UNC5D: variants seen among roughly 807,000 people sequenced by gnomAD.
UNC5D encodes unc-5 netrin receptor D, also known as netrin receptor UNC5D.
Under a neutral mutation model 105.4 loss-of-function variants are expected in UNC5D, and 39 were observed. The ratio of observed to expected loss-of-function variants is 0.37; its 90% confidence interval spans 0.29 to 0.48. The LOEUF (loss-of-function observed/expected upper bound fraction) is 0.48, where lower values mean the gene tolerates loss of function less well. UNC5D is among the 20% of genes least tolerant of loss of function. The pLI is 0.98. For missense variants in UNC5D, 991 were observed against 1,202.4 expected, an observed-to-expected ratio of 0.82 and a Z score of 2.60; for synonymous variants, 452 against 450.4, an observed-to-expected ratio of 1.00 and a Z score of -0.04.
At chr8:35,536,996 T>TAAAAAA (rs1163802818) in intron 1 of UNC5D, among the ~76,000 whole-genome samples, 20 of 142,638 alleles carry the variant, frequency 1.4e-4, no homozygotes, top group African/African-American at 5.0e-4. Context: ...ACTCTATCTC[T>TAAAAAA]AAACAAAACA....
At chr8:35,785,658 G>A (rs1010474473) in intron 16 of UNC5D, among the ~76,000 whole-genome samples, 1 of 152,170 alleles carries the variant, frequency 6.6e-6, no homozygotes, top group Non-Finnish European at 1.5e-5. Flanking sequence ...ACCACGCCGA[G>A]CCTATATATT....
intron 1 of UNC5D, among the ~76,000 whole-genome samples, chr8:35,468,700 C>T (rs550804527): frequency 1.3e-5 from 2 of 152,246 alleles, no homozygotes; most frequent in African/African-American, 4.8e-5. Flanking sequence ...CCAGCTGCAG[C>T]AAATTGCTCT....
chr8:35,274,849 G>C (rs1235896529), intron 1 of UNC5D, among the ~76,000 whole-genome samples: 3 of 151,734 alleles, frequency 2.0e-5, no homozygotes, highest in East Asian at 3.9e-4. Flanking sequence ...TTTTTCTTTG[G>C]GAAGCCAAGG....
At chr8:35,363,573 T>C (rs1395735016) in intron 1 of UNC5D, among the ~76,000 whole-genome samples, 1 of 152,148 alleles carries the variant, frequency 6.6e-6, no homozygotes, top group African/African-American at 2.4e-5. Flanking sequence ...TCATTATGCA[T>C]AGCACAGATA....
At chr8:35,380,125 C>G (rs1165748101) in intron 1 of UNC5D, among the ~76,000 whole-genome samples, 4 of 110,030 alleles carry the variant, frequency 3.6e-5, no homozygotes, top group East Asian at 5.1e-4. Context: ...GAGAGAGAGA[C>G]ACCGAGAGAG....
intron 1 of UNC5D, among the ~76,000 whole-genome samples, chr8:35,396,763 G>A (rs1267936398): frequency 2.7e-5 from 4 of 150,814 alleles, no homozygotes; most frequent in Non-Finnish European, 5.9e-5. Context: ...CTCCCAAAGT[G>A]CTAGGATTAC....
chr8:35,544,843 T>C (rs1161398286), intron 1 of UNC5D, among the ~76,000 whole-genome samples: 1 of 152,124 alleles, frequency 6.6e-6, no homozygotes, highest in Non-Finnish European at 1.5e-5. Context: ...CCTCAGGTGA[T>C]CTGCCCACCT....
chr8:35,433,588 A>G (rs998298015), intron 1 of UNC5D, among the ~76,000 whole-genome samples: 1 of 152,182 alleles, frequency 6.6e-6, no homozygotes, highest in Non-Finnish European at 1.5e-5. Flanking sequence ...TAGAATATGA[A>G]CATAAATGAA....
chr8:35,373,988 A>G (rs1404983619), intron 1 of UNC5D, among the ~76,000 whole-genome samples: 2 of 152,138 alleles, frequency 1.3e-5, no homozygotes, highest in Non-Finnish European at 2.9e-5. Context: ...GGAGTGAATA[A>G]TGTAGATTTA....
chr8:35,509,131 A>G (rs1005452883), intron 1 of UNC5D, among the ~76,000 whole-genome samples: 4 of 152,098 alleles, frequency 2.6e-5, no homozygotes, highest in Non-Finnish European at 5.9e-5. Context: ...CCCTTTCCCC[A>G]GTATTTTCTA....
At chr8:35,339,733 A>G (rs947526537) in intron 1 of UNC5D, among the ~76,000 whole-genome samples, 1 of 152,164 alleles carries the variant, frequency 6.6e-6, no homozygotes, top group African/African-American at 2.4e-5. Flanking sequence ...CCAGAGACAG[A>G]GTTGTTTGGA....
At chr8:35,498,206 AAGTC>A (rs1488345953) in intron 1 of UNC5D, among the ~76,000 whole-genome samples, 1 of 151,676 alleles carries the variant, frequency 6.6e-6, no homozygotes, top group South Asian at 2.1e-4. Flanking sequence ...CATGTCTACT[AAGTC>A]AGGGGCTGAA....
At chr8:35,572,233 A>G (rs1481326889) in intron 3 of UNC5D, among the ~76,000 whole-genome samples, 5 of 131,928 alleles carry the variant, frequency 3.8e-5, no homozygotes, top group Non-Finnish European at 7.8e-5. Context: ...GGTTGTAGTG[A>G]GCTGAGATTG....
intron 9 of UNC5D, among the ~76,000 whole-genome samples, chr8:35,725,299 A>G (rs755269328): frequency 1.3e-4 from 20 of 152,332 alleles, no homozygotes; most frequent in Non-Finnish European, 2.4e-4. Context: ...TTTACTAATA[A>G]ATGAGATTAC....
chr8:35,755,782 G>A (rs61411334), intron 13 of UNC5D, among the ~76,000 whole-genome samples: 11,427 of 152,112 alleles, frequency 0.075, 1,167 homozygotes, highest in African/African-American at 0.23. Context: ...CCATTAACTC[G>A]GATTATTAGT....
intron 3 of UNC5D, among the ~76,000 whole-genome samples, chr8:35,581,922 A>G (rs1201921898): frequency 1.3e-5 from 2 of 152,070 alleles, no homozygotes; most frequent in African/African-American, 2.4e-5. Flanking sequence ...AAGTCCAGCC[A>G]CCTCTGCCTC....
At chr8:35,723,580 A>G (rs1352524405) in intron 9 of UNC5D, among the ~76,000 whole-genome samples, 2 of 151,562 alleles carry the variant, frequency 1.3e-5, no homozygotes, top group Non-Finnish European at 2.9e-5. Context: ...TTTTATTTTT[A>G]TTTTTTATAG....
intron 1 of UNC5D, among the ~76,000 whole-genome samples, chr8:35,454,290 G>A (rs1364988496): frequency 1.3e-5 from 2 of 152,148 alleles, no homozygotes; most frequent in Non-Finnish European, 2.9e-5. Context: ...CCATCCAGTA[G>A]AGGTATTTTT....
chr8:35,657,886 C>T (rs1823872980), intron 4 of UNC5D, among the ~76,000 whole-genome samples: 1 of 152,084 alleles, frequency 6.6e-6, no homozygotes, highest in Non-Finnish European at 1.5e-5. Context: ...TTGGACTAAC[C>T]ATGCACAGTA....
Sources: gnomAD v4.1 joint callset for allele counts (sites outside exome capture counted in the v4.1 genomes callset) on GRCh38, gnomAD v4.1.1 for gene constraint, MANE v1.5 for transcripts, NCBI Gene and HGNC (gene_info 2026-07-23, HGNC 2026-07-21) for gene names.